KIF15: variants seen among roughly 807,000 people sequenced by gnomAD.
KIF15 encodes the protein kinesin-like protein KIF15.
KIF15 carries 140 observed loss-of-function variants against 190.6 expected under a neutral mutation model. That is an observed-to-expected ratio of 0.73 (90% CI 0.64 to 0.84). The LOEUF is 0.84. Among genes scored for constraint, KIF15 ranks in the 40% least tolerant of loss-of-function variants. The probability of loss-of-function intolerance (pLI) is 0.00; values close to 1 mark genes in which losing one functional copy is unlikely to be tolerated. For missense variants in KIF15, 1,372 were observed against 1,584.4 expected, an observed-to-expected ratio of 0.87 and a Z score of 2.28; for synonymous variants, 528 against 551.3, an observed-to-expected ratio of 0.96 and a Z score of 0.59.
intron 1 of KIF15, among the ~76,000 whole-genome samples, chr3:44,769,403 T>C (rs1575572809): frequency 4.6e-5 from 7 of 152,274 alleles, no homozygotes; most frequent in Admixed American, 6.5e-5. Context: ...TCTGTCCTTA[T>C]ATCCCCAAGA....
At chr3:44,866,719 G>A (rs62242565) in intron 6 of KIF15, among the ~76,000 whole-genome samples, 64,701 of 152,014 alleles carry the variant, frequency 0.43, 15,458 homozygotes, top group East Asian at 0.83. Context: ...ACCATTCCAC[G>A]GCTCCTTCTG....
intron 7 of KIF15, among the ~76,000 whole-genome samples, chr3:44,789,693 A>ATAT (rs1706592365): frequency 7.8e-6 from 1 of 127,764 alleles, no homozygotes; most frequent in South Asian, 2.5e-4. Context: ...TATATATATA[A>ATAT]AATAGATACA....
At chr3:44,818,392 C>T (rs573261730) in intron 20 of KIF15, among the ~76,000 whole-genome samples, 23 of 152,116 alleles carry the variant, frequency 1.5e-4, no homozygotes, top group Non-Finnish European at 3.1e-4. Context: ...TCATAAATAG[C>T]TCTTATTATT....
chr3:44,778,263 A>G, intron 4 of KIF15, 72 bp downstream of exon 4: 2 of 1,194,944 alleles, frequency 1.7e-6, no homozygotes, highest in Non-Finnish European at 1.3e-6. Context: ...GTAACAAATT[A>G]CCACAAACGT....
At chr3:44,779,587 C>T (rs1381945505) in intron 4 of KIF15, among the ~76,000 whole-genome samples, 1 of 152,148 alleles carries the variant, frequency 6.6e-6, no homozygotes, top group East Asian at 1.9e-4. Context: ...GTAATCCCAG[C>T]ACTTTGGGGG....
intron 26 of KIF15, among the ~76,000 whole-genome samples, chr3:44,834,152 A>C (rs1313959068): frequency 6.6e-6 from 1 of 152,230 alleles, no homozygotes; most frequent in East Asian, 1.9e-4. Flanking sequence ...CCCTATAAAC[A>C]GCTAATTCAT....
Position 44,786,483 on chromosome 3 carries a change from C to T in KIF15, c.548C>T (p.Ala183Val). 1.9e-6 allele frequency: 3 copies of T among 1,613,924 alleles called. No homozygotes were observed. Among genetic ancestry groups the T allele is most frequent in the Non-Finnish European group, 2.5e-6 (3 of 1,179,872 alleles). Residue 183 changes from alanine (A) to valine (V), a missense_variant, in exon 7 of 35, where the codon GCT (alanine) becomes GTT (valine). Coordinates refer to ENST00000326047, the MANE Select transcript of KIF15 (RefSeq NM_020242.3). Reference protein sequence around the residue: ...QIYDLLDSASAGLYLREHIKK... With the variant: ...QIYDLLDSASVGLYLREHIKK... Reference sequence around the variant, plus strand: ...TATGATCTACTGGACTCTGCATCGGCTGGACTGTACTTAAGGGAGCATATC... The same window carrying T: ...TATGATCTACTGGACTCTGCATCGGTTGGACTGTACTTAAGGGAGCATATC...
At chr3:44,769,909 T>C (rs1705571340) in intron 1 of KIF15, among the ~76,000 whole-genome samples, 1 of 152,166 alleles carries the variant, frequency 6.6e-6, no homozygotes, top group South Asian at 2.1e-4. Flanking sequence ...TTAGCTCCCT[T>C]GGTCTTACTT....
chr3:44,776,480 G>C (rs1461374071), intron 3 of KIF15, among the ~76,000 whole-genome samples: 2 of 151,664 alleles, frequency 1.3e-5, no homozygotes, highest in African/African-American at 4.8e-5. Context: ...GTTATATGTG[G>C]CTATTTAGAT....
chr3:44,829,386 G>A (rs1697856902), intron 24 of KIF15, among the ~76,000 whole-genome samples: 1 of 140,956 alleles, frequency 7.1e-6, no homozygotes, highest in African/African-American at 2.7e-5. Flanking sequence ...GTGTGTGTGT[G>A]TGTGTGTGTG....
In KIF15 at chr3:44,838,976, GGTT is replaced by G. The variant is rs1462939200; in HGVS notation, c.3318+564_3318+566del. On this transcript the variant is annotated intron_variant, in intron 27 of 34. Transcript: ENST00000326047. ...GCCTGACTTTTATCATATTTTTGGTGGTTGTTGTTGTCATTTTATATTTTGTAT... is the reference window on the plus strand; with the variant it reads ...GCCTGACTTTTATCATATTTTTGGTGGTTGTTGTCATTTTATATTTTGTAT... 3.3e-5 allele frequency among the ~76,000 whole-genome samples: 5 copies of G among 152,180 alleles called. No individual in the cohort carries two copies. The East Asian group carries it at 7.7e-4, about 23-fold the overall frequency.
intron 14 of KIF15, among the ~76,000 whole-genome samples, chr3:44,804,693 T>C (rs559581735): frequency 1.3e-5 from 2 of 152,330 alleles, no homozygotes; most frequent in South Asian, 2.1e-4. Flanking sequence ...TGCTGAGTTA[T>C]AAGCTTTTGT....
At chr3:44,792,355 T>C (rs1481862175) in intron 7 of KIF15, among the ~76,000 whole-genome samples, 1 of 151,782 alleles carries the variant, frequency 6.6e-6, no homozygotes, top group African/African-American at 2.4e-5. Context: ...ATGCCTGTAC[T>C]CCCACCTACT....
In KIF15 at chr3:44,761,896, C is replaced by A; in HGVS notation, c.19+12C>A. 1 of 1,614,116 alleles carries A rather than the reference C, an allele frequency of 6.2e-7. No individual in the cohort carries two copies. The stretch of plus-strand genomic sequence containing the variant: ...ACCCGGCTGCAAAAGTAAGTCTGGG[C>A]CCCCGGCTTCGTTACCCTATTTTTG... On this transcript the variant is annotated intron_variant, in intron 1 of 34. Coordinates refer to ENST00000326047, the MANE Select transcript of KIF15 (RefSeq NM_020242.3).
intron 17 of KIF15, among the ~76,000 whole-genome samples, chr3:44,811,943 T>C (rs1352190916): frequency 6.6e-6 from 1 of 152,200 alleles, no homozygotes. Context: ...CTTTCCTTTG[T>C]ATTTCAAAGT....
rs753280023 is a variant in KIF15 at position 44,763,507 on chromosome 3, G to A, written c.19+1623G>A. Among the ~76,000 whole-genome samples the A allele has an allele frequency of 2.6e-4, 39 of 151,532 alleles. No individual in the cohort carries two copies. The East Asian group carries it at 3.3e-3, about 13-fold the overall frequency. On this transcript the variant is annotated intron_variant, in intron 1 of 34. Coordinates refer to ENST00000326047, the MANE Select transcript of KIF15 (RefSeq NM_020242.3). ...AGTAAAGCCGGGGTTTCACTGTGTT[G>A]GCCAGGATGGTCTCGATCTCCTGAC...
intron 6 of KIF15, chr3:44,864,060 C>T (rs1699293153): frequency 4.1e-6 from 4 of 986,894 alleles, no homozygotes; most frequent in Non-Finnish European, 6.1e-6. Flanking sequence ...TGCAGGAAAG[C>T]TCTGAGGCCC....
Position 44,780,753 on chromosome 3 carries a change from T to G in KIF15, c.324-132T>G, listed in dbSNP as rs979120270. 4 of 562,850 alleles carry G rather than the reference T, an allele frequency of 7.1e-6. No homozygotes were observed. The African/African-American group carries it at 7.8e-5, about 11-fold the overall frequency. 34.9% of individuals were successfully genotyped at this position (562,850 alleles called of 1,614,324 possible). A position where few individuals can be genotyped will look rare whatever the true frequency, so the allele number is the denominator to read the frequency against. On this transcript the variant is annotated intron_variant, in intron 4 of 34. Transcript: ENST00000326047. ...AAGGAGGCAGATCATTCACTTTTTA[T>G]CTAATAGAATTTAAAAATAGAAAGA...
In KIF15 at chr3:44,800,441, G is replaced by A; in HGVS notation, c.1222+4G>A. 1.9e-6 allele frequency: 3 copies of A among 1,613,328 alleles called. No homozygotes were observed. The highest frequency in any genetic ancestry group is 1.7e-6 in the Non-Finnish European group (2 of 1,179,738). ...CCAGAAAGCTTCCTGACCAGAGGTA[G>A]GATGAGCACACAGTCCTTTATCTTG... On this transcript the variant is annotated splice_donor_region_variant and intron_variant, in intron 11 of 34. Transcript: ENST00000326047.
Sources: gnomAD v4.1 joint callset for allele counts (sites outside exome capture counted in the v4.1 genomes callset) on GRCh38, gnomAD v4.1.1 for gene constraint, MANE v1.5 for transcripts, NCBI Gene and HGNC (gene_info 2026-07-23, HGNC 2026-07-21) for gene names.